Variants in OSBPL1A observed in about 807,000 individuals in gnomAD.
OSBPL1A encodes the protein oxysterol-binding protein-related protein 1.
Under a neutral mutation model 137.1 loss-of-function variants are expected in OSBPL1A, and 80 were observed. The ratio of observed to expected loss-of-function variants is 0.58; its 90% CI spans 0.49 to 0.70. The LOEUF is 0.70. Ranked by LOEUF, OSBPL1A falls within the 30% of genes least tolerant of loss-of-function variation. The probability of loss-of-function intolerance (pLI) is 0.00; values close to 1 mark genes in which losing one functional copy is unlikely to be tolerated. For missense variants in OSBPL1A, 970 were observed against 1,129.4 expected (o/e 0.86, Z 2.02); for synonymous variants, 365 against 389.7 (o/e 0.94, Z 0.75).
intron 7 of OSBPL1A, among the ~76,000 whole-genome samples, chr18:24,330,830 C>G (rs888708831): frequency 1.3e-5 from 2 of 149,124 alleles, no homozygotes; most frequent in East Asian, 4.1e-4. Context: ...GAGTCTCACT[C>G]TGTTGCCAGG....
chr18:24,178,205 T>TAAAAAAAAA lies in OSBPL1A; in HGVS notation c.1911-19_1911-11dup. ...AAATCCAAGGTCATCTCTTAAGATT[T>TAAAAAAAAA]AAAAAAAAAAAAAAAGAAAAAAAAA... On this transcript the variant is annotated splice_polypyrimidine_tract_variant and intron_variant, in intron 20 of 27. Transcript: ENST00000319481. The TAAAAAAAAA allele has an allele frequency of 8.5e-7, 1 of 1,175,072 alleles. No homozygotes were observed. The highest frequency in any genetic ancestry group is 1.1e-6 in the Non-Finnish European group (1 of 878,316). The allele number at this position is 1,175,072 out of a possible 1,614,324, so 72.8% of individuals were successfully genotyped here. A position where few individuals can be genotyped will look rare whatever the true frequency, so the allele number is the denominator to read the frequency against.
Position 24,225,199 on chromosome 18 carries a change from C to T in OSBPL1A, c.1445-1G>A. The T allele has an allele frequency of 6.2e-7, 1 of 1,614,030 alleles. No individual in the cohort carries two copies. Among genetic ancestry groups the T allele is most frequent in the Non-Finnish European group, 8.5e-7 (1 of 1,179,936 alleles). On this transcript the variant is annotated splice_acceptor_variant, in intron 16 of 27. Transcript: ENST00000319481. LOFTEE classifies it high-confidence loss of function. ...CTCAGGGACCTTTCGGACTCGGAAT[C>T]TGTGGCAGAGCAGGTTCATAGTTAA...
chr18:24,337,570 C>CAAAA (rs1225881914), intron 5 of OSBPL1A, among the ~76,000 whole-genome samples: 1 of 84,452 alleles, frequency 1.2e-5, no homozygotes, highest in African/African-American at 3.8e-5. Context: ...AACTCTGTCT[C>CAAAA]AAAAAAAAAA....
At chr18:24,199,571 C>T (rs974250510) in intron 17 of OSBPL1A, among the ~76,000 whole-genome samples, 2 of 152,178 alleles carry the variant, frequency 1.3e-5, no homozygotes, top group African/African-American at 2.4e-5. Context: ...AGGACAATGG[C>T]TAGCACCAAC....
At position 24,236,227 on chromosome 18, in the gene OSBPL1A, T is replaced by C. The variant is rs185863314; in HGVS notation, c.1444+2993A>G. ...GGAATTTCAAGTTAGTATTTAGTTA[T>C]ACAATATTGAAAGTGTAGGTGAAGG... On this transcript the variant is annotated intron_variant, in intron 16 of 27. Coordinates refer to ENST00000319481, the MANE Select transcript of OSBPL1A (RefSeq NM_080597.4). 2.6e-4 allele frequency among the ~76,000 whole-genome samples: 40 copies of C among 152,312 alleles called. 1 individual carries two copies. Among genetic ancestry groups the C allele is most frequent in the Admixed American group, 5.9e-4 (9 of 15,298 alleles).
intron 15 of OSBPL1A, among the ~76,000 whole-genome samples, chr18:24,263,744 T>C (rs2089501345): frequency 1.3e-5 from 2 of 152,178 alleles, no homozygotes; most frequent in Non-Finnish European, 2.9e-5. Context: ...CAAGTGATTC[T>C]CCTGCCTCAG....
intron 14 of OSBPL1A, among the ~76,000 whole-genome samples, chr18:24,303,332 A>G (rs2090439522): frequency 6.6e-6 from 1 of 152,160 alleles, no homozygotes; most frequent in Non-Finnish European, 1.5e-5. Flanking sequence ...TCCAAAACCC[A>G]AGTCTTCTGG....
At chr18:24,264,060 T>C (rs1017378446) in intron 15 of OSBPL1A, among the ~76,000 whole-genome samples, 4 of 152,214 alleles carry the variant, frequency 2.6e-5, no homozygotes, top group African/African-American at 9.6e-5. Context: ...CAAGAGAATG[T>C]TGGAATCTAG....
At chr18:24,334,091 T>C (rs1326221457) in intron 6 of OSBPL1A, among the ~76,000 whole-genome samples, 154 bp downstream of exon 6, 1 of 152,190 alleles carries the variant, frequency 6.6e-6, no homozygotes, top group Non-Finnish European at 1.5e-5. Context: ...CTGAGTGTTT[T>C]TAGATATTAA....
chr18:24,213,794 A>G (rs2087614133), intron 17 of OSBPL1A, among the ~76,000 whole-genome samples: 1 of 152,206 alleles, frequency 6.6e-6, no homozygotes, highest in Non-Finnish European at 1.5e-5. Flanking sequence ...TTAAAATTGT[A>G]TGTACACAAT....
At chr18:24,240,103 T>C (rs2088641923) in intron 15 of OSBPL1A, among the ~76,000 whole-genome samples, 2 of 152,012 alleles carry the variant, frequency 1.3e-5, no homozygotes, top group South Asian at 2.1e-4. Context: ...TTGGTATTTT[T>C]AGTAGAGATG....
At chr18:24,178,601 T>C (rs1193185714) in intron 20 of OSBPL1A, among the ~76,000 whole-genome samples, 1 of 152,202 alleles carries the variant, frequency 6.6e-6, no homozygotes, top group African/African-American at 2.4e-5. Context: ...AACAATTCTT[T>C]ATTCTCATTG....
At chr18:24,253,562 T>A (rs1029118412) in intron 15 of OSBPL1A, among the ~76,000 whole-genome samples, 1 of 152,230 alleles carries the variant, frequency 6.6e-6, no homozygotes, top group Non-Finnish European at 1.5e-5. Context: ...TTATTATTAC[T>A]CAAATCAGTC....
intron 17 of OSBPL1A, among the ~76,000 whole-genome samples, 168 bp from the exon 18 acceptor site, chr18:24,196,368 C>T (rs758972540): frequency 2.6e-5 from 4 of 152,194 alleles, no homozygotes; most frequent in Non-Finnish European, 5.9e-5. Context: ...ACCTGTTCAC[C>T]TATACCTACT....
rs143713208 is a variant in OSBPL1A at position 24,182,538 on chromosome 18, T to C, written c.1678-1259A>G. Among the ~76,000 whole-genome samples the C allele has an allele frequency of 4.6e-5, 7 of 152,142 alleles. No homozygotes were observed. The East Asian group carries it at 9.6e-4, about 21-fold the overall frequency. On this transcript the variant is annotated intron_variant, in intron 18 of 27. Coordinates refer to ENST00000319481, the MANE Select transcript of OSBPL1A (RefSeq NM_080597.4). ...TCTGACTTTTCCCCCTAAATATCCA[T>C]ATTCCCACTGAGATTTTCAATTAAA...
intron 14 of OSBPL1A, among the ~76,000 whole-genome samples, chr18:24,299,528 G>A (rs970029607): frequency 6.6e-6 from 1 of 151,928 alleles, no homozygotes; most frequent in African/African-American, 2.4e-5. Context: ...AAAGTTTTCT[G>A]GATACAAAAA....
chr18:24,341,731 T>C, intron 4 of OSBPL1A, 73 bp from the exon 5 acceptor site: 1 of 952,400 alleles, frequency 1.0e-6, no homozygotes, highest in Non-Finnish European at 1.6e-6. Flanking sequence ...TCCAAATTAC[T>C]AACTACTACA....
At chr18:24,176,007 C>T (rs951554465) in intron 21 of OSBPL1A, among the ~76,000 whole-genome samples, 2 of 152,208 alleles carry the variant, frequency 1.3e-5, no homozygotes, top group African/African-American at 4.8e-5. Context: ...TATACTTTGT[C>T]TATAGTTTGG....
chr18:24,200,206 A>C (rs2087177024), intron 17 of OSBPL1A, among the ~76,000 whole-genome samples: 1 of 152,222 alleles, frequency 6.6e-6, no homozygotes, highest in Admixed American at 6.5e-5. Context: ...ATCTAGTCTT[A>C]ACAGTCGTTT....
Sources: allele counts gnomAD v4.1 joint callset (sites outside exome capture counted in the v4.1 genomes callset), GRCh38; gene constraint gnomAD v4.1.1; transcripts MANE v1.5; gene names NCBI Gene and HGNC (gene_info 2026-07-23, HGNC 2026-07-21).